The following SRBD1 variants were observed in gnomAD, a reference collection of about 807,000 sequenced individuals.
The protein encoded by SRBD1 is S1 RNA binding domain 1, also known as S1 RNA-binding domain-containing protein 1.
In SRBD1, 88 loss-of-function variants were observed where a neutral mutation model predicts 115.3. That is an observed-to-expected ratio of 0.76 (90% confidence interval 0.64 to 0.91). The LOEUF is 0.91. Ranked by LOEUF, SRBD1 falls within the 40% of genes least tolerant of loss-of-function variation. The pLI is 0.00. For missense variants in SRBD1, 1,385 were observed against 1,177.4 expected (o/e 1.18, Z -2.58); for synonymous variants, 509 against 407.7 (o/e 1.25, Z -2.99).
intron 12 of SRBD1, among the ~76,000 whole-genome samples, chr2:45,547,854 C>A (rs1326647346): frequency 1.3e-5 from 2 of 152,094 alleles, no homozygotes; most frequent in African/African-American, 2.4e-5. Context: ...TGCTAGGATA[C>A]CTAAAAGAAA....
chr2:45,482,606 A>C (rs1292026612), intron 15 of SRBD1, among the ~76,000 whole-genome samples: 1 of 115,454 alleles, frequency 8.7e-6, no homozygotes, highest in African/African-American at 3.5e-5. Flanking sequence ...ACCTATTCAC[A>C]ACGTTAAACA....
intron 15 of SRBD1, among the ~76,000 whole-genome samples, chr2:45,482,096 G>T (rs147786492): frequency 4.8e-4 from 73 of 152,110 alleles, no homozygotes; most frequent in African/African-American, 1.7e-3. Context: ...CTTTAAAAGG[G>T]TAAATTTTAT....
chr2:45,583,894 C>A (rs1673439354), intron 5 of SRBD1, among the ~76,000 whole-genome samples: 1 of 152,096 alleles, frequency 6.6e-6, no homozygotes, highest in African/African-American at 2.4e-5. Flanking sequence ...GAATGGAATT[C>A]TTTTGCAATA....
chr2:45,455,861 A>C (rs1439359437), intron 16 of SRBD1, among the ~76,000 whole-genome samples: 6 of 151,954 alleles, frequency 3.9e-5, no homozygotes. Context: ...TGTCACTGCT[A>C]ACCCTGTGCA....
rs150060875 is a variant in SRBD1, at chr2:45,503,577, A to G, written c.1875-15246T>C. On this transcript the variant is annotated intron_variant, in intron 14 of 20. Coordinates refer to ENST00000263736, the MANE Select transcript of SRBD1 (RefSeq NM_018079.5). Reference sequence around the variant, plus strand: ...TTTAGAGCCATTTAAAATAATTCACATACCAATTCATCCCTTTCTTAGTTG... The same window carrying G: ...TTTAGAGCCATTTAAAATAATTCACGTACCAATTCATCCCTTTCTTAGTTG... Among the ~76,000 whole-genome samples, 186 of 152,306 alleles carry G rather than the reference A, an allele frequency of 1.2e-3. 1 individual carries two copies. Among genetic ancestry groups the G allele is most frequent in the South Asian group, 0.011 (54 of 4,820 alleles).
intron 16 of SRBD1, among the ~76,000 whole-genome samples, chr2:45,468,818 C>G (rs146002382): frequency 8.2e-4 from 125 of 152,292 alleles, no homozygotes; most frequent in Admixed American, 1.2e-3. Flanking sequence ...CCAGTGCTCT[C>G]CAAAGTGGTG....
At chr2:45,562,800 A>T (rs376153395) in intron 9 of SRBD1, 44 bp from the exon 10 acceptor site, 74 of 1,350,918 alleles carry the variant, frequency 5.5e-5, no homozygotes, top group Non-Finnish European at 7.1e-5. Context: ...CACAAAATAT[A>T]TGAAACAAAT....
chr2:45,555,618 G>A (rs907242771), intron 10 of SRBD1, among the ~76,000 whole-genome samples: 3 of 151,146 alleles, frequency 2.0e-5, no homozygotes, highest in African/African-American at 7.3e-5. Context: ...AGCCTCCTGA[G>A]TAGCTGGGAC....
intron 14 of SRBD1, among the ~76,000 whole-genome samples, chr2:45,529,600 C>T (rs1361775912): frequency 2.0e-5 from 3 of 151,832 alleles, no homozygotes; most frequent in Admixed American, 6.6e-5. Context: ...TTAATTATTA[C>T]TTTTCTCACC....
At chr2:45,527,449 G>T (rs1314168982) in intron 14 of SRBD1, among the ~76,000 whole-genome samples, 1 of 151,876 alleles carries the variant, frequency 6.6e-6, no homozygotes, top group Non-Finnish European at 1.5e-5. Flanking sequence ...GAATCTCATG[G>T]AGAATGTATC....
intron 2 of SRBD1, 81 bp from the exon 3 acceptor site, chr2:45,602,164 A>G: frequency 6.8e-7 from 1 of 1,473,680 alleles, no homozygotes; most frequent in Non-Finnish European, 9.1e-7. Context: ...AGATTCTTGA[A>G]AAAATGATAA....
chr2:45,427,254 G>A (rs968781117), intron 16 of SRBD1, among the ~76,000 whole-genome samples: 3 of 152,054 alleles, frequency 2.0e-5, no homozygotes, highest in African/African-American at 2.4e-5. Context: ...ATCAATAGCC[G>A]AATCGATCAG....
At chr2:45,580,089 G>A in intron 6 of SRBD1, 76 bp from the exon 7 acceptor site, 2 of 1,223,746 alleles carry the variant, frequency 1.6e-6, no homozygotes, top group Non-Finnish European at 2.2e-6. Context: ...AAAATTAGAG[G>A]ACATGCTGAG....
chr2:45,501,141 T>A (rs997257971), intron 14 of SRBD1, among the ~76,000 whole-genome samples: 1 of 152,226 alleles, frequency 6.6e-6, no homozygotes, highest in African/African-American at 2.4e-5. Flanking sequence ...GAAATGATCA[T>A]ATGGTTTTTG....
intron 16 of SRBD1, chr2:45,448,188 A>C (rs562036615): frequency 1.3e-5 from 2 of 152,326 alleles, no homozygotes; most frequent in South Asian, 2.1e-4. Context: ...GAATCCAGGT[A>C]GACTTAGTTT....
chr2:45,599,709 T>C lies in SRBD1; in HGVS notation c.388A>G (p.Thr130Ala), dbSNP rs1240413770. 1.4e-5 allele frequency: 22 copies of C among 1,614,112 alleles called. No homozygotes were observed. The highest frequency in any genetic ancestry group is 1.9e-5 in the Non-Finnish European group (22 of 1,180,048). Residue 130 changes from threonine (T) to alanine (A), a missense_variant, in exon 4 of 21, where the codon ACT becomes GCT. By Grantham distance (58) the Thr-to-Ala change is moderately conservative. Coordinates refer to ENST00000263736, the MANE Select transcript of SRBD1 (RefSeq NM_018079.5). ...TCTTCTTCAACTTTCAGCTTTTTAG[T>C]CCTTCGAACTGTATGTGGCTGCGCT... Reference protein sequence around the residue: ...CAAQPHTVRRTKKLKVEEETS... With the variant: ...CAAQPHTVRRAKKLKVEEETS...
intron 14 of SRBD1, among the ~76,000 whole-genome samples, chr2:45,500,164 T>G (rs967176299): frequency 6.6e-6 from 1 of 152,138 alleles, no homozygotes; most frequent in African/African-American, 2.4e-5. Flanking sequence ...CCTCTTTAAT[T>G]TCTTTCACCA....
At chr2:45,595,285 C>A (rs1199947007) in intron 4 of SRBD1, among the ~76,000 whole-genome samples, 1 of 152,154 alleles carries the variant, frequency 6.6e-6, no homozygotes, top group Non-Finnish European at 1.5e-5. Flanking sequence ...AAACAGAGGA[C>A]CAAGTTATCA....
chr2:45,482,182 T>C (rs143430846), intron 15 of SRBD1, among the ~76,000 whole-genome samples: 26 of 152,284 alleles, frequency 1.7e-4, no homozygotes, highest in African/African-American at 6.0e-4. Context: ...AAATACTATT[T>C]TGCCCACATA....
Sources: allele counts gnomAD v4.1 joint callset (sites outside exome capture counted in the v4.1 genomes callset), GRCh38; gene constraint gnomAD v4.1.1; transcripts MANE v1.5; gene names NCBI Gene and HGNC (gene_info 2026-07-23, HGNC 2026-07-21).